Variants in RAPGEF5 observed in about 807,000 individuals in gnomAD.
The protein encoded by RAPGEF5 is Rap guanine nucleotide exchange factor 5, also known as M-Ras-regulated GEF.
A neutral mutation model predicts 125.2 loss-of-function variants in RAPGEF5; 65 were observed. The ratio of observed to expected loss-of-function variants is 0.52; its 90% CI spans 0.43 to 0.64. The LOEUF (loss-of-function observed/expected upper bound fraction) is 0.64. Ranked by LOEUF, RAPGEF5 falls within the 30% of genes least tolerant of loss-of-function variation. RAPGEF5 has a pLI of 0.00. For synonymous variants in RAPGEF5, 391 were observed against 385.9 expected (o/e 1.01, Z -0.16); for missense variants, 958 against 1,048.1 (o/e 0.91, Z 1.19).
At chr7:22,330,725 CA>C (rs534962793) in intron 1 of RAPGEF5, among the ~76,000 whole-genome samples, 246 of 152,312 alleles carry the variant, frequency 1.6e-3, no homozygotes, top group African/African-American at 5.1e-3. Context: ...TAGATTCCAT[CA>C]TGTCTATACG....
intron 9 of RAPGEF5, among the ~76,000 whole-genome samples, chr7:22,218,363 T>A (rs149481683): frequency 6.6e-6 from 1 of 152,276 alleles, no homozygotes; most frequent in African/African-American, 2.4e-5. Context: ...TGTTCTACTG[T>A]TTGATTTTTG....
chr7:22,142,611 G>T (rs1019529933), intron 20 of RAPGEF5, among the ~76,000 whole-genome samples: 8 of 152,182 alleles, frequency 5.3e-5, no homozygotes, highest in Non-Finnish European at 1.2e-4. Context: ...AAGACAAATT[G>T]ATACAGTGCA....
rs745550804 is a variant in RAPGEF5 at position 22,145,038 on chromosome 7, A to G, written c.2186+6T>C. The G allele has an allele frequency of 1.2e-5, 20 of 1,612,052 alleles. No individual in the cohort carries two copies. Among genetic ancestry groups the G allele is most frequent in the Non-Finnish European group, 1.6e-5 (19 of 1,178,868 alleles). ...AGGAATGGCACTTCTCACACTAGAAACTTACTGAGCCGCAATTTTGATGAA... is the reference window on the plus strand; with the variant it reads ...AGGAATGGCACTTCTCACACTAGAAGCTTACTGAGCCGCAATTTTGATGAA... On this transcript the variant is annotated splice_donor_region_variant and intron_variant, in intron 20 of 25. Coordinates refer to ENST00000665637, the MANE Select transcript of RAPGEF5 (RefSeq NM_012294.5).
At position 22,201,982 on chromosome 7, in the gene RAPGEF5, T is replaced by C. The variant is rs185066005; in HGVS notation, c.997-7949A>G. ...AATGAATGCATGGCCTGGCAAATGATGGATAAGTGGACAGACACTGTAAAT... is the reference window on the plus strand; with the variant it reads ...AATGAATGCATGGCCTGGCAAATGACGGATAAGTGGACAGACACTGTAAAT... On this transcript the variant is annotated intron_variant, in intron 9 of 25. Coordinates refer to ENST00000665637, the MANE Select transcript of RAPGEF5 (RefSeq NM_012294.5). Among the ~76,000 whole-genome samples the C allele has an allele frequency of 1.3e-3, 196 of 152,248 alleles. 2 individuals are homozygous for C. Among genetic ancestry groups the C allele is most frequent in the Admixed American group, 0.011 (169 of 15,280 alleles).
Position 22,120,687 on chromosome 7 carries a change from G to A in RAPGEF5, c.*1719C>T, listed in dbSNP as rs561527661. 2.0e-5 allele frequency: 3 copies of A among 152,668 alleles called. No individual in the cohort carries two copies. In the East Asian group the frequency reaches 5.8e-4, roughly 29 times the overall value. 9.5% of individuals were successfully genotyped at this position (152,668 alleles called of 1,614,324 possible). ...GGCAGCATGCAGCATTTCTCTGAAT[G>A]GACCAGCCCTGGAGGATGCCCTTCT... is the stretch of plus-strand genomic sequence containing the variant. On this transcript the variant is annotated 3_prime_UTR_variant, in exon 26 of 26. Transcript: ENST00000665637. This position sits in a 1 kb window ranked among gnomAD's most constrained non-coding sequence, Gnocchi z 4.0.
intron 9 of RAPGEF5, among the ~76,000 whole-genome samples, chr7:22,209,554 T>TTAA (rs1431607837): frequency 6.6e-6 from 1 of 152,234 alleles, no homozygotes; most frequent in African/African-American, 2.4e-5. Context: ...GAGTGTTGTT[T>TTAA]TAATACTGAG....
At chr7:22,346,384 C>T (rs546299053) in intron 1 of RAPGEF5, among the ~76,000 whole-genome samples, 1 of 152,084 alleles carries the variant, frequency 6.6e-6, no homozygotes, top group Non-Finnish European at 1.5e-5. Context: ...CTCTTCTCAA[C>T]GTAAAAAAAA....
At chr7:22,309,781 G>A (rs1783426967) in intron 4 of RAPGEF5, among the ~76,000 whole-genome samples, 188 bp downstream of exon 4, 1 of 152,156 alleles carries the variant, frequency 6.6e-6, no homozygotes, top group East Asian at 1.9e-4. Flanking sequence ...AATAATTTTT[G>A]CAAGAATTGT....
chr7:22,160,821 C>A (rs1450036315), intron 13 of RAPGEF5, among the ~76,000 whole-genome samples: 1 of 152,076 alleles, frequency 6.6e-6, no homozygotes, highest in Non-Finnish European at 1.5e-5. Context: ...GCTTTCAGGG[C>A]CATAGGTGGA....
chr7:22,179,183 A>T (rs1443724958), intron 11 of RAPGEF5, among the ~76,000 whole-genome samples: 3 of 152,152 alleles, frequency 2.0e-5, no homozygotes, highest in Non-Finnish European at 4.4e-5. Flanking sequence ...AATCTACTCT[A>T]TAAGAGTAGA....
At chr7:22,205,050 A>G (rs1001946897) in intron 9 of RAPGEF5, among the ~76,000 whole-genome samples, 29 of 152,242 alleles carry the variant, frequency 1.9e-4, no homozygotes, top group African/African-American at 6.8e-4. Flanking sequence ...AATTAATATT[A>G]AAGTGATAAC....
chr7:22,243,207 G>A (rs988305278), intron 7 of RAPGEF5, among the ~76,000 whole-genome samples: 10 of 152,048 alleles, frequency 6.6e-5, no homozygotes, highest in East Asian at 5.8e-4. Flanking sequence ...GTCAAATAAC[G>A]AAACTAAGCC....
chr7:22,244,805 T>C (rs1786434603), intron 7 of RAPGEF5, among the ~76,000 whole-genome samples: 2 of 152,160 alleles, frequency 1.3e-5, no homozygotes, highest in Non-Finnish European at 2.9e-5. Flanking sequence ...TGCAGATATC[T>C]CTTCAACATA....
At chr7:22,167,638 C>G (rs1021749336) in intron 11 of RAPGEF5, among the ~76,000 whole-genome samples, 6 of 152,138 alleles carry the variant, frequency 3.9e-5, no homozygotes, top group African/African-American at 1.4e-4. Context: ...TATCAGGTTC[C>G]AAGGCCATTC....
chr7:22,287,491 AC>A (rs567274646), intron 6 of RAPGEF5, among the ~76,000 whole-genome samples: 10 of 152,282 alleles, frequency 6.6e-5, no homozygotes, highest in South Asian at 4.1e-4. Flanking sequence ...ATGCAAAAAT[AC>A]CACATTTGAA....
intron 11 of RAPGEF5, chr7:22,192,946 A>G (rs1408327160): frequency 1.0e-5 from 2 of 200,296 alleles, no homozygotes; most frequent in Non-Finnish European, 2.0e-5. Flanking sequence ...TAGTTGCATT[A>G]ATTGTTGACA....
chr7:22,131,730 A>G (rs1161301015), intron 23 of RAPGEF5, among the ~76,000 whole-genome samples: 2 of 152,216 alleles, frequency 1.3e-5, no homozygotes, highest in Non-Finnish European at 2.9e-5. Flanking sequence ...GTACAATGAA[A>G]GTGCATTTTC....
At position 22,328,991 on chromosome 7, in the gene RAPGEF5, AG is replaced by A. The variant is rs1190552401; in HGVS notation, c.232-10955del. Reference sequence around the variant, plus strand: ...ACTATACAGGGGGAAAGTCATATTCAGGTTCCAATTTACGTGTATTCTGCTC... The same window carrying A: ...ACTATACAGGGGGAAAGTCATATTCAGTTCCAATTTACGTGTATTCTGCTC... On this transcript the variant is annotated intron_variant, in intron 1 of 25. Coordinates refer to ENST00000665637, the MANE Select transcript of RAPGEF5 (RefSeq NM_012294.5). 7.2e-5 allele frequency among the ~76,000 whole-genome samples: 11 copies of A among 152,326 alleles called. No homozygotes were observed. In the East Asian group the frequency reaches 2.1e-3, roughly 29 times the overall value.
At chr7:22,181,356 C>T (rs1784668312) in intron 11 of RAPGEF5, among the ~76,000 whole-genome samples, 1 of 152,160 alleles carries the variant, frequency 6.6e-6, no homozygotes, top group South Asian at 2.1e-4. Context: ...TATACTCATT[C>T]ATCTAAAACC....
Sources: gnomAD v4.1 joint callset for allele counts (sites outside exome capture counted in the v4.1 genomes callset) on GRCh38, gnomAD v4.1.1 for gene constraint, Gnocchi (gnomAD v3.1) non-coding constraint, MANE v1.5 for transcripts, NCBI Gene and HGNC (gene_info 2026-07-23, HGNC 2026-07-21) for gene names.